The following PRDM16 variants were observed in gnomAD, a reference collection of about 807,000 sequenced individuals.
The protein encoded by PRDM16 is histone-lysine N-methyltransferase PRDM16.
PRDM16 carries 23 observed loss-of-function variants against 110.6 expected under a neutral mutation model. The observed-to-expected ratio is 0.21, with a 90% CI of 0.15 to 0.29. The LOEUF (loss-of-function observed/expected upper bound fraction) is 0.29. PRDM16 is among the 10% of genes least tolerant of loss of function. The probability of loss-of-function intolerance (pLI) is 1.00; values close to 1 mark genes in which losing one functional copy is unlikely to be tolerated. For synonymous variants in PRDM16, 799 were observed against 781.8 expected, an observed-to-expected ratio of 1.02 and a Z score of -0.37; for missense variants, 1,615 against 1,794.3, an observed-to-expected ratio of 0.90 and a Z score of 1.81.
rs575780700 is a variant in PRDM16 at position 3,139,054 on chromosome 1, G to T, written c.38-47071G>T. Among the ~76,000 whole-genome samples the T allele has an allele frequency of 4.6e-5, 7 of 152,296 alleles. No homozygotes were observed. In the East Asian group the frequency reaches 1.4e-3, roughly 29 times the overall value. ...GTTCTCGGGAGAGGCTTCAGTGGGGGCTTGGGGCCAGGTCTGCAGGGGTCC... is the reference window on the plus strand; with the variant it reads ...GTTCTCGGGAGAGGCTTCAGTGGGGTCTTGGGGCCAGGTCTGCAGGGGTCC... On this transcript the variant is annotated intron_variant, in intron 1 of 16. Coordinates refer to ENST00000270722, the MANE Select transcript of PRDM16 (RefSeq NM_022114.4).
At chr1:3,225,032 G>A (rs1411883942) in intron 2 of PRDM16, among the ~76,000 whole-genome samples, 3 of 152,220 alleles carry the variant, frequency 2.0e-5, no homozygotes, top group Non-Finnish European at 4.4e-5. Flanking sequence ...TGAGGTGGGG[G>A]CGAGGAGCGC....
At chr1:3,298,231 T>G (rs1161978425) in intron 3 of PRDM16, among the ~76,000 whole-genome samples, 1 of 152,232 alleles carries the variant, frequency 6.6e-6, no homozygotes, top group Non-Finnish European at 1.5e-5. Flanking sequence ...CAGGGGACAC[T>G]TTCCTCCGCA....
chr1:3,399,328 G>A (rs1569681803), intron 5 of PRDM16, among the ~76,000 whole-genome samples: 1 of 152,192 alleles, frequency 6.6e-6, no homozygotes, highest in Non-Finnish European at 1.5e-5. Flanking sequence ...ATCAGAATAG[G>A]ACATGTTCTT....
At position 3,349,433 on chromosome 1, in the gene PRDM16, C is replaced by T. The variant is rs139338287; in HGVS notation, c.439-35719C>T. On this transcript the variant is annotated intron_variant, in intron 3 of 16. Coordinates refer to ENST00000270722, the MANE Select transcript of PRDM16 (RefSeq NM_022114.4). ...TCAGGCTCCCAGCAAGTGGCCATGGCGGGAAGCAGGGCTGTCTGCACTGCC... is the reference window on the plus strand; with the variant it reads ...TCAGGCTCCCAGCAAGTGGCCATGGTGGGAAGCAGGGCTGTCTGCACTGCC... 1.9e-3 allele frequency among the ~76,000 whole-genome samples: 289 copies of T among 152,316 alleles called. 1 individual carries two copies. Among genetic ancestry groups the T allele is most frequent in the Non-Finnish European group, 2.6e-3 (178 of 68,020 alleles).
rs1207204791 is a variant in PRDM16 at position 3,339,870 on chromosome 1, C to T, written c.439-45282C>T. 6.6e-6 allele frequency among the ~76,000 whole-genome samples: 1 copy of T among 152,212 alleles called. No individual in the cohort carries two copies. Among genetic ancestry groups the T allele is most frequent in the Non-Finnish European group, 1.5e-5 (1 of 68,040 alleles). ...CAGGGCCGGTGCTAGGGCAGCCCAG[C>T]TCAGTCCCATAGGAAGATGCGGTTC... is the stretch of plus-strand genomic sequence containing the variant. On this transcript the variant is annotated intron_variant, in intron 3 of 16. Transcript: ENST00000270722. This position sits in a 1 kb window ranked among gnomAD's most constrained non-coding sequence, Gnocchi z 5.0.
chr1:3,128,948 G>A (rs1302698207), intron 1 of PRDM16, among the ~76,000 whole-genome samples: 1 of 152,220 alleles, frequency 6.6e-6, no homozygotes, highest in East Asian at 1.9e-4. Flanking sequence ...CTTCATCTGG[G>A]AAGTGGGAGC....
chr1:3,385,079 G>C, intron 3 of PRDM16, 73 bp from the exon 4 acceptor site: 2 of 1,574,480 alleles, frequency 1.3e-6, no homozygotes, highest in Admixed American at 1.7e-5. Context: ...CAGGTTTCTG[G>C]GTGGGCAGAG....
At chr1:3,394,607 C>T in intron 4 of PRDM16, 2 of 358,300 alleles carry the variant, frequency 5.6e-6, no homozygotes. Flanking sequence ...CGCTGACCCT[C>T]CTCTCTCCTG....
intron 1 of PRDM16, among the ~76,000 whole-genome samples, chr1:3,169,547 G>GGA (rs1644000944): frequency 6.6e-6 from 1 of 152,198 alleles, no homozygotes; most frequent in Admixed American, 6.5e-5. Context: ...TCCATAAAAT[G>GGA]GAGATAATAA....
chr1:3,208,441 G>A lies in PRDM16; in HGVS notation c.387+21967G>A, dbSNP rs567014851. On this transcript the variant is annotated intron_variant, in intron 2 of 16. Transcript: ENST00000270722. This position sits in a 1 kb window ranked among gnomAD's most constrained non-coding sequence, Gnocchi z 6.1. Reference sequence around the variant, plus strand: ...CCAGCACTTTGGCAGGCCAAGGAGGGTGGATCACGAGGTCAGGAGTTCGAG... The same window carrying A: ...CCAGCACTTTGGCAGGCCAAGGAGGATGGATCACGAGGTCAGGAGTTCGAG... The A allele has an allele frequency of 1.5e-4, 23 of 152,316 alleles. No homozygotes were observed. Among genetic ancestry groups the A allele is most frequent in the African/African-American group, 5.3e-4 (22 of 41,534 alleles). 9.4% of individuals were successfully genotyped at this position (152,316 alleles called of 1,614,324 possible). A position where few individuals can be genotyped will look rare whatever the true frequency, so the allele number is the denominator to read the frequency against.
intron 1 of PRDM16, among the ~76,000 whole-genome samples, chr1:3,074,112 T>C (rs1055195621): frequency 6.6e-6 from 1 of 152,166 alleles, no homozygotes; most frequent in African/African-American, 2.4e-5. Context: ...CCCAGTCTGA[T>C]CCGCAGCCCC....
At chr1:3,184,927 G>A (rs192619134) in intron 1 of PRDM16, among the ~76,000 whole-genome samples, 18 of 152,086 alleles carry the variant, frequency 1.2e-4, no homozygotes, top group African/African-American at 3.4e-4. Flanking sequence ...CCTCTGCATC[G>A]GCTTCCTACG....
chr1:3,104,742 G>A (rs1158877357), intron 1 of PRDM16, among the ~76,000 whole-genome samples: 3 of 152,140 alleles, frequency 2.0e-5, no homozygotes, highest in Admixed American at 6.5e-5. Flanking sequence ...ACCTCCCCAC[G>A]TCACCTGGCC....
intron 9 of PRDM16, among the ~76,000 whole-genome samples, chr1:3,413,753 C>A (rs1424232221): frequency 6.6e-6 from 1 of 152,160 alleles, no homozygotes; most frequent in Non-Finnish European, 1.5e-5. Flanking sequence ...GGAACCCAGG[C>A]AGACAGAGAA....
At chr1:3,283,944 G>A (rs1031386492) in intron 3 of PRDM16, among the ~76,000 whole-genome samples, 5 of 152,224 alleles carry the variant, frequency 3.3e-5, no homozygotes, top group Admixed American at 2.0e-4. Context: ...ACCGGTGCGC[G>A]GTGTGTCCAG....
At chr1:3,198,176 C>T (rs1638528738) in intron 2 of PRDM16, among the ~76,000 whole-genome samples, 1 of 152,214 alleles carries the variant, frequency 6.6e-6, no homozygotes, top group Non-Finnish European at 1.5e-5. Context: ...CATGCGTTCT[C>T]TGGACCCCCG....
intron 1 of PRDM16, among the ~76,000 whole-genome samples, chr1:3,134,356 A>C (rs1345764768): frequency 6.6e-6 from 1 of 152,254 alleles, no homozygotes; most frequent in Non-Finnish European, 1.5e-5. Flanking sequence ...CTGGGGACGG[A>C]CAGTTGGGCA....
intron 3 of PRDM16, among the ~76,000 whole-genome samples, chr1:3,259,326 C>A (rs575451309): frequency 1.7e-4 from 26 of 152,322 alleles, no homozygotes; most frequent in South Asian, 4.1e-4. Context: ...CCTCGTTCAC[C>A]ATGATGACTG....
intron 3 of PRDM16, among the ~76,000 whole-genome samples, chr1:3,275,541 G>A (rs182965539): frequency 3.3e-5 from 5 of 152,302 alleles, no homozygotes; most frequent in African/African-American, 7.2e-5. Context: ...GAGGTGGGGG[G>A]GTTCAGGACG....
Sources: allele counts gnomAD v4.1 joint callset (sites outside exome capture counted in the v4.1 genomes callset), GRCh38; gene constraint gnomAD v4.1.1; non-coding constraint Gnocchi (gnomAD v3.1); transcripts MANE v1.5; gene names NCBI Gene and HGNC (gene_info 2026-07-23, HGNC 2026-07-21).